Variants in SPHKAP observed in about 807,000 individuals in gnomAD.
SPHKAP encodes A-kinase anchor protein SPHKAP.
A neutral mutation model predicts 137.5 loss-of-function variants in SPHKAP; 67 were observed. The ratio of observed to expected loss-of-function variants is 0.49; its 90% CI spans 0.40 to 0.60. SPHKAP has a LOEUF of 0.60. Ranked by LOEUF, SPHKAP falls within the 20% of genes least tolerant of loss-of-function variation. SPHKAP has a pLI of 0.00. For missense variants in SPHKAP, 2,097 were observed against 2,069.3 expected (o/e 1.01, Z -0.26); for synonymous variants, 813 against 785.3 (o/e 1.04, Z -0.59).
chr2:228,115,296 T>C (rs966112662), intron 2 of SPHKAP, among the ~76,000 whole-genome samples: 3 of 152,096 alleles, frequency 2.0e-5, no homozygotes, highest in African/African-American at 7.2e-5. Flanking sequence ...TGTTAGTTAT[T>C]ACTTTTGGAT....
intron 11 of SPHKAP, chr2:227,982,471 G>A (rs146896802): frequency 2.4e-4 from 135 of 551,092 alleles, no homozygotes; most frequent in Non-Finnish European, 2.9e-4. Context: ...CAGTTCTATT[G>A]GCCACAGCCT....
chr2:228,091,908 C>T (rs1559168367), intron 3 of SPHKAP, among the ~76,000 whole-genome samples: 1 of 151,922 alleles, frequency 6.6e-6, no homozygotes, highest in Non-Finnish European at 1.5e-5. Context: ...TCCAGCAATC[C>T]CACTACTGGG....
At chr2:228,082,443 T>C (rs887228080) in intron 3 of SPHKAP, among the ~76,000 whole-genome samples, 4 of 72,758 alleles carry the variant, frequency 5.5e-5, no homozygotes, top group African/African-American at 2.2e-4. Flanking sequence ...TAAAGCATTA[T>C]GTAAGTAGAT....
rs966646963 is a variant in SPHKAP, at chr2:228,181,239, G to A, written c.32+328C>T. Among the ~76,000 whole-genome samples, 1 of 152,142 alleles carries A rather than the reference G, an allele frequency of 6.6e-6. No homozygotes were observed. Among genetic ancestry groups the A allele is most frequent in the Non-Finnish European group, 1.5e-5 (1 of 68,034 alleles). On this transcript the variant is annotated intron_variant, in intron 1 of 11. Coordinates refer to ENST00000392056, the MANE Select transcript of SPHKAP (RefSeq NM_001142644.2). The surrounding 1 kb of genome is among the most constrained non-coding windows in gnomAD (Gnocchi z 4.3). ...AAGGTGTGAAACCTCTCCAAGCTGTGTCCGCGGAAAGTCCGGCTCCTGGCT... is the reference window on the plus strand; with the variant it reads ...AAGGTGTGAAACCTCTCCAAGCTGTATCCGCGGAAAGTCCGGCTCCTGGCT...
intron 7 of SPHKAP, among the ~76,000 whole-genome samples, chr2:228,013,885 G>C (rs947515030): frequency 5.9e-5 from 9 of 152,158 alleles, no homozygotes; most frequent in Non-Finnish European, 1.2e-4. Flanking sequence ...TGTAGGTCTT[G>C]AATTTCTAGG....
At chr2:228,065,221 T>C (rs749403134) in intron 3 of SPHKAP, among the ~76,000 whole-genome samples, 1 of 152,198 alleles carries the variant, frequency 6.6e-6, no homozygotes, top group Non-Finnish European at 1.5e-5. Context: ...AATAGAGTCC[T>C]TGGGTCCTTT....
At chr2:228,030,513 C>CAAAAAAAAAAAAAAAAAAAAACAAAA (rs11287311) in intron 3 of SPHKAP, among the ~76,000 whole-genome samples, 2 of 48,776 alleles carry the variant, frequency 4.1e-5, no homozygotes, top group African/African-American at 7.4e-5. Flanking sequence ...GATACCATCT[C>CAAAAAAAAAAAAAAAAAAAAACAAAA]AAAAAAAAAA....
intron 1 of SPHKAP, among the ~76,000 whole-genome samples, chr2:228,146,290 C>T (rs961737800): frequency 3.9e-5 from 6 of 152,102 alleles, no homozygotes; most frequent in African/African-American, 9.7e-5. Context: ...TTCACATTAG[C>T]GCTCACTTTT....
chr2:228,024,998 A>C (rs7605783), intron 5 of SPHKAP, among the ~76,000 whole-genome samples: 58,150 of 151,940 alleles, frequency 0.38, 11,587 homozygotes, highest in South Asian at 0.5. Context: ...GTACCTCCTA[A>C]GGAATACATA....
At chr2:228,028,037 C>T (rs1695127372) in intron 3 of SPHKAP, 1 of 984,958 alleles carries the variant, frequency 1.0e-6, no homozygotes, top group South Asian at 4.7e-5. Context: ...TCTCCAACAC[C>T]CTGCTCAGCT....
At chr2:228,084,152 A>G (rs1197912987) in intron 3 of SPHKAP, among the ~76,000 whole-genome samples, 1 of 152,082 alleles carries the variant, frequency 6.6e-6, no homozygotes, top group East Asian at 1.9e-4. Context: ...AGGCTTCTAG[A>G]ATGCAATGGT....
At chr2:227,982,334 C>T in intron 11 of SPHKAP, 1 of 985,294 alleles carries the variant, frequency 1.0e-6, no homozygotes, top group Non-Finnish European at 1.2e-6. Flanking sequence ...TTCTTCATTC[C>T]ATCCTGAGAA....
rs1698433284 is a variant in SPHKAP, at chr2:228,109,019, T to C, written c.139-80A>G. On this transcript the variant is annotated intron_variant, in intron 2 of 11. Transcript: ENST00000392056. ...AGCAGCTCTCTCTCTTTTTTTTTTT[T>C]CTTATAAAAAAACCTGTAGGTGTTT... The C allele has an allele frequency of 1.9e-5, 19 of 986,142 alleles. No individual in the cohort carries two copies. The East Asian group carries it at 4.5e-4, about 23-fold the overall frequency. 61.1% of individuals were successfully genotyped at this position (986,142 alleles called of 1,614,324 possible). A position where few individuals can be genotyped will look rare whatever the true frequency, so the allele number is the denominator to read the frequency against.
chr2:228,075,768 G>T (rs1174061203), intron 3 of SPHKAP, among the ~76,000 whole-genome samples: 2 of 152,142 alleles, frequency 1.3e-5, no homozygotes, highest in African/African-American at 4.8e-5. Context: ...TAAATTAGAA[G>T]CAGCTAATAG....
chr2:228,017,856 G>A lies in SPHKAP; in HGVS notation c.2998C>T (p.Leu1000Phe). Residue 1000 changes from leucine (L) to phenylalanine (F), a missense_variant, in exon 7 of 12, where the codon CTC (leucine) becomes TTC (phenylalanine). Coordinates refer to ENST00000392056, the MANE Select transcript of SPHKAP (RefSeq NM_001142644.2). ...TAVRKHKPPR[L>F]SEIKRKTDEH... is the part of the protein sequence containing the mutation. ...TCCGTCTTCCTCTTGATCTCACTGA[G>A]CCGGGGAGGCTTGTGTTTCCTCACA... The A allele has an allele frequency of 6.2e-7, 1 of 1,614,036 alleles. No individual in the cohort carries two copies. The highest frequency in any genetic ancestry group is 8.5e-7 in the Non-Finnish European group (1 of 1,179,996).
intron 1 of SPHKAP, among the ~76,000 whole-genome samples, chr2:228,172,062 G>T (rs1201321292): frequency 6.6e-6 from 1 of 151,998 alleles, no homozygotes; most frequent in East Asian, 1.9e-4. Context: ...AGTTGTGTGT[G>T]TGTATATCCT....
In SPHKAP at chr2:228,019,417, G is replaced by A; in HGVS notation, c.1437C>T (p.Thr479=). 6.2e-7 allele frequency: 1 copy of A among 1,614,166 alleles called. No homozygotes were observed. Among genetic ancestry groups the A allele is most frequent in the South Asian group, 1.1e-5 (1 of 91,086 alleles). ...AGTTCTCTCCAGAGAGGATGCTTGA[G>A]GTTTCAACAGAGACTTCCATCTCAG... ...SWPEMEVSVE[T]SSILSGENSS... is the part of the protein sequence containing the mutation. Residue 479 remains threonine, a synonymous_variant, in exon 7 of 12, where the codon ACC becomes ACT. Transcript: ENST00000392056.
chr2:228,051,290 T>C (rs1195548913), intron 3 of SPHKAP, among the ~76,000 whole-genome samples: 1 of 152,246 alleles, frequency 6.6e-6, no homozygotes, highest in Non-Finnish European at 1.5e-5. Flanking sequence ...ATGCAGCAGA[T>C]TGACTTATTG....
intron 7 of SPHKAP, among the ~76,000 whole-genome samples, chr2:228,010,168 G>A (rs537689520): frequency 3.9e-5 from 6 of 152,146 alleles, no homozygotes; most frequent in South Asian, 2.1e-4. Flanking sequence ...GTTTCCCTTC[G>A]CTCAATGTGC....
Sources: gnomAD v4.1 joint callset for allele counts (sites outside exome capture counted in the v4.1 genomes callset) on GRCh38, gnomAD v4.1.1 for gene constraint, Gnocchi (gnomAD v3.1) non-coding constraint, MANE v1.5 for transcripts, NCBI Gene and HGNC (gene_info 2026-07-23, HGNC 2026-07-21) for gene names.